Variants in ABI1 observed in about 807,000 individuals in gnomAD.
ABI1 encodes abl interactor 1, also known as Abelson interactor 1.
In ABI1, 14 loss-of-function variants were observed where a neutral mutation model predicts 54.6. The observed-to-expected ratio is 0.26, with a 90% CI of 0.17 to 0.40. The LOEUF is 0.40. Among genes scored for constraint, ABI1 ranks in the 10% least tolerant of loss-of-function variants. The probability of loss-of-function intolerance (pLI) is 1.00; values close to 1 mark genes in which losing one functional copy is unlikely to be tolerated. For missense variants in ABI1, 443 were observed against 598.3 expected (o/e 0.74, Z 2.71); for synonymous variants, 194 against 209.3 (o/e 0.93, Z 0.63).
At chr10:26,800,442 C>T (rs1048255366) in intron 2 of ABI1, among the ~76,000 whole-genome samples, 1 of 152,006 alleles carries the variant, frequency 6.6e-6, no homozygotes, top group Non-Finnish European at 1.5e-5. Context: ...CATACCCATA[C>T]GGAGACACAT....
chr10:26,848,651 C>T (rs2050173729), intron 1 of ABI1, among the ~76,000 whole-genome samples: 1 of 148,382 alleles, frequency 6.7e-6, no homozygotes, highest in Non-Finnish European at 1.5e-5. Flanking sequence ...CTCTATCACC[C>T]AGGCTGGAGT....
At chr10:26,767,832 A>T (rs1031248226) in intron 6 of ABI1, among the ~76,000 whole-genome samples, 2 of 152,058 alleles carry the variant, frequency 1.3e-5, no homozygotes, top group Admixed American at 6.5e-5. Flanking sequence ...GGATCACCTG[A>T]GGTCAGGAGT....
chr10:26,763,745 A>G, intron 7 of ABI1: 2 of 700,612 alleles, frequency 2.9e-6, no homozygotes, highest in African/African-American at 3.6e-5. Context: ...TAGTGATATT[A>G]GATTTAATAC....
intron 2 of ABI1, among the ~76,000 whole-genome samples, chr10:26,782,854 C>A (rs936887097): frequency 4.3e-4 from 65 of 152,022 alleles, no homozygotes; most frequent in Non-Finnish European, 1.5e-4. Flanking sequence ...TGGTTACTAT[C>A]AAAAAAATCA....
At chr10:26,755,589 C>G (rs1323955133) in intron 9 of ABI1, 66 bp downstream of exon 9, 2 of 1,255,128 alleles carry the variant, frequency 1.6e-6, no homozygotes, top group African/African-American at 1.5e-5. Context: ...GATGACTCAT[C>G]GTCAGCCATG....
intron 2 of ABI1, among the ~76,000 whole-genome samples, chr10:26,816,618 A>G (rs899396708): frequency 6.6e-6 from 1 of 152,254 alleles, no homozygotes. Flanking sequence ...AGCACTATTC[A>G]AACTACTTTC....
intron 1 of ABI1, among the ~76,000 whole-genome samples, chr10:26,848,526 AAAGGTG>A (rs1210276929): frequency 6.6e-6 from 1 of 152,076 alleles, no homozygotes; most frequent in African/African-American, 2.4e-5. Flanking sequence ...AGTACTAGTG[AAAGGTG>A]AATTGTACAG....
Position 26,781,129 on chromosome 10 carries a change from C to T in ABI1, c.286-3888G>A, listed in dbSNP as rs187543657. Among the ~76,000 whole-genome samples, 339 of 152,330 alleles carry T rather than the reference C, an allele frequency of 2.2e-3. 4 individuals are homozygous for T. The highest frequency in any genetic ancestry group is 2.0e-3 in the Non-Finnish European group (138 of 68,024). On this transcript the variant is annotated intron_variant, in intron 2 of 10. Transcript: ENST00000376140. ...TGACTTTCCTGACTAGACCCTCTGG[C>T]AAGAGGAACAACCTCTTCAGGTGAC... is the stretch of plus-strand genomic sequence containing the variant.
At chr10:26,824,068 A>ACGTC (rs2048155029) in intron 1 of ABI1, among the ~76,000 whole-genome samples, 1 of 152,002 alleles carries the variant, frequency 6.6e-6, no homozygotes, top group South Asian at 2.1e-4. Context: ...AAATGGTCTC[A>ACGTC]CGTCCCTTCC....
chr10:26,752,098 T>A (rs1837709318), intron 9 of ABI1, among the ~76,000 whole-genome samples: 1 of 152,208 alleles, frequency 6.6e-6, no homozygotes, highest in South Asian at 2.1e-4. Context: ...GGGACAAATG[T>A]TAACAATCTA....
intron 8 of ABI1, 108 bp from the exon 9 acceptor site, chr10:26,755,849 A>G: frequency 1.4e-6 from 1 of 689,930 alleles, no homozygotes; most frequent in Non-Finnish European, 2.3e-6. Context: ...AAGTATGCAA[A>G]GAACAGTTTG....
intron 2 of ABI1, among the ~76,000 whole-genome samples, chr10:26,809,761 C>T (rs1165611495): frequency 6.6e-6 from 1 of 152,090 alleles, no homozygotes; most frequent in Non-Finnish European, 1.5e-5. Context: ...AGCACTAGCC[C>T]TGATAAAACT....
Position 26,842,089 on chromosome 10 carries a change from C to T in ABI1, c.117+18658G>A, listed in dbSNP as rs1221596955. Among the ~76,000 whole-genome samples, 4 of 152,222 alleles carry T rather than the reference C, an allele frequency of 2.6e-5. No individual in the cohort carries two copies. In the East Asian group the frequency reaches 7.7e-4, roughly 29 times the overall value. ...TCCATTTTCTCCACACCCTCGCCAA[C>T]ATTTGTTATCACTTCACTTTTTTAT... On this transcript the variant is annotated intron_variant, in intron 1 of 10. Coordinates refer to ENST00000376140, the MANE Select transcript of ABI1 (RefSeq NM_001012750.3).
At chr10:26,751,573 C>T in intron 10 of ABI1, 25 bp downstream of exon 10, 1 of 1,595,414 alleles carries the variant, frequency 6.3e-7, no homozygotes, top group South Asian at 1.2e-5. Context: ...TTTTCCTTCA[C>T]ATCAACTCAA....
At chr10:26,820,364 A>G (rs1369931759) in intron 2 of ABI1, among the ~76,000 whole-genome samples, 1 of 152,178 alleles carries the variant, frequency 6.6e-6, no homozygotes, top group African/African-American at 2.4e-5. Context: ...ACTTAATGAA[A>G]AAAAAATCAA....
chr10:26,830,617 T>A (rs1257416271), intron 1 of ABI1, among the ~76,000 whole-genome samples: 1 of 138,496 alleles, frequency 7.2e-6, no homozygotes, highest in Admixed American at 7.2e-5. Context: ...CAAGACCCTG[T>A]CTCCTTTAAA....
intron 2 of ABI1, among the ~76,000 whole-genome samples, chr10:26,798,982 A>G (rs553160352): frequency 1.8e-4 from 27 of 152,042 alleles, no homozygotes; most frequent in African/African-American, 6.5e-4. Flanking sequence ...GAAAGAAAGG[A>G]GAAAAAAGAG....
intron 6 of ABI1, among the ~76,000 whole-genome samples, chr10:26,765,545 T>C (rs910736588): frequency 6.6e-6 from 1 of 151,900 alleles, no homozygotes; most frequent in African/African-American, 2.4e-5. Flanking sequence ...GTTTTCCTTA[T>C]CTACAGGTTC....
Position 26,760,888 on chromosome 10 carries a change from CAAAAAAAAAAA to C in ABI1, c.821-1661_821-1651del, listed in dbSNP as rs57750390. ...TGAGTGACGGAGAAAGACTCCATCT[CAAAAAAAAAAA>C]AAAAAAAAAAAAAAAAAGAGTAAGC... On this transcript the variant is annotated intron_variant, in intron 7 of 10. Coordinates refer to ENST00000376140, the MANE Select transcript of ABI1 (RefSeq NM_001012750.3). Among the ~76,000 whole-genome samples, 61 of 49,440 alleles carry C rather than the reference CAAAAAAAAAAA, an allele frequency of 1.2e-3. 2 individuals are homozygous for C. The highest frequency in any genetic ancestry group is 3.1e-3 in the South Asian group (3 of 976). The allele number at this position is 49,440 out of a possible 152,430, so 32.4% of individuals were successfully genotyped here.
Sources: gnomAD v4.1 joint callset for allele counts (sites outside exome capture counted in the v4.1 genomes callset) on GRCh38, gnomAD v4.1.1 for gene constraint, MANE v1.5 for transcripts, NCBI Gene and HGNC (gene_info 2026-07-23, HGNC 2026-07-21) for gene names.